The following SATL1 variants were observed in gnomAD, a reference collection of about 807,000 sequenced individuals.
SATL1 encodes the protein spermidine/spermine N(1)-acetyltransferase-like protein 1.
A neutral mutation model predicts 51.8 loss-of-function variants in SATL1; 47 were observed. That is an observed-to-expected ratio of 0.91 (90% CI 0.72 to 1.16). The LOEUF is 1.16. Among genes scored for constraint, SATL1 ranks in the 50% most tolerant of loss-of-function variants. SATL1 has a pLI of 0.00. For missense variants in SATL1, 520 were observed against 526.4 expected, an observed-to-expected ratio of 0.99 and a Z score of 0.12; for synonymous variants, 176 against 182.4, an observed-to-expected ratio of 0.97 and a Z score of 0.28.
intron 2 of SATL1, among the ~76,000 whole-genome samples, chrX:85,160,488 C>A (rs767912523): frequency 9.1e-6 from 1 of 110,020 alleles, no homozygotes; most frequent in African/African-American, 3.3e-5. Context: ...TAGAAATGAA[C>A]GAAACTGACC....
rs1350758219 is a variant in SATL1, at chrX:85,108,992, G to A, written c.-24C>T. On this transcript the variant is annotated 5_prime_UTR_variant, in exon 3 of 8. Transcript: ENST00000644105. ...ATGCCCAGTTGATTCCTGCTTTGTT[G>A]ACTAAGGATGGGGTGGCAGATGATG... 1.7e-6 allele frequency: 2 copies of A among 1,168,581 alleles called. No individual in the cohort carries two copies. The highest frequency in any genetic ancestry group is 3.1e-5 in the East Asian group (1 of 32,117).
chrX:85,132,555 C>CT (rs1925836960), intron 2 of SATL1, among the ~76,000 whole-genome samples: 1 of 111,598 alleles, frequency 9.0e-6, no homozygotes, highest in Non-Finnish European at 1.9e-5. Flanking sequence ...TTCATCTAAT[C>CT]TTTTTTCAAG....
chrX:85,128,300 C>T (rs1925683218), intron 2 of SATL1, among the ~76,000 whole-genome samples: 2 of 111,855 alleles, frequency 1.8e-5, no homozygotes, highest in Admixed American at 1.9e-4. Flanking sequence ...ACATCCTCTC[C>T]AGCACCTGTT....
At chrX:85,143,065 T>C (rs183972312) in intron 2 of SATL1, 65 of 111,983 alleles carry the variant, frequency 5.8e-4, no homozygotes, top group African/African-American at 2.0e-3. Flanking sequence ...GGAAAATGTA[T>C]TAGTAGCAAT....
chrX:85,115,665 G>A (rs1320054778), intron 2 of SATL1, among the ~76,000 whole-genome samples: 7 of 112,048 alleles, frequency 6.2e-5, no homozygotes, highest in Non-Finnish European at 1.3e-4. Flanking sequence ...TTGCCCCCAA[G>A]GTGTACATTC....
chrX:85,166,890 C>T (rs1926846780), intron 2 of SATL1, among the ~76,000 whole-genome samples: 1 of 98,063 alleles, frequency 1.0e-5, no homozygotes, highest in Non-Finnish European at 2.0e-5. Context: ...TAACCATCAA[C>T]CAATAAGTGA....
At chrX:85,163,243 A>G (rs1926763784) in intron 2 of SATL1, among the ~76,000 whole-genome samples, 1 of 109,737 alleles carries the variant, frequency 9.1e-6, no homozygotes, top group Non-Finnish European at 1.9e-5. Flanking sequence ...CAATCTTGCT[A>G]CTTGTTATTG....
chrX:85,140,550 C>T (rs908823603), intron 2 of SATL1, among the ~76,000 whole-genome samples: 8 of 111,995 alleles, frequency 7.1e-5, no homozygotes, highest in African/African-American at 2.6e-4. Flanking sequence ...TCTGGATGGA[C>T]TCTTGTTATT....
At chrX:85,149,824 G>T (rs1358135909) in intron 2 of SATL1, among the ~76,000 whole-genome samples, 1 of 111,468 alleles carries the variant, frequency 9.0e-6, no homozygotes, top group Non-Finnish European at 1.9e-5. Flanking sequence ...AGTATGTAGA[G>T]GGAAATTTAT....
intron 2 of SATL1, among the ~76,000 whole-genome samples, chrX:85,138,984 T>A (rs1439805607): frequency 9.0e-6 from 1 of 111,666 alleles, no homozygotes; most frequent in Non-Finnish European, 1.9e-5. Flanking sequence ...ATATTATTAT[T>A]ACTTTTTTAC....
chrX:85,094,138 TTG>T lies in SATL1; in HGVS notation c.1864_1865del (p.Gln622SerfsTer10). 8.7e-7 allele frequency: 1 copy of T among 1,144,880 alleles called. No individual in the cohort carries two copies. The highest frequency in any genetic ancestry group is 1.2e-6 in the Non-Finnish European group (1 of 835,824). The allele number at this position is 1,144,880 out of a possible 1,213,427, so 94.4% of individuals were successfully genotyped here. ...VLYLEDFYVT[Q>X]AYQGLGIGAE... ...AAATTTTAGTTTTACCTTGGTAAGCTTGTGTGACATAAAAGTCCTCTAGGTAA... is the reference window on the plus strand; with the variant it reads ...AAATTTTAGTTTTACCTTGGTAAGCTTGTGACATAAAAGTCCTCTAGGTAA... On this transcript the variant is annotated frameshift_variant, in exon 6 of 8. Coordinates refer to ENST00000644105, the MANE Select transcript of SATL1 (RefSeq NM_001367857.2). LOFTEE classifies it high-confidence loss of function.
intron 2 of SATL1, among the ~76,000 whole-genome samples, chrX:85,166,385 G>A (rs186056892): frequency 9.0e-6 from 1 of 111,404 alleles, no homozygotes; most frequent in African/African-American, 3.3e-5. Flanking sequence ...ATCCAACAAA[G>A]GACTAATATC....
chrX:85,164,938 G>A (rs1440957931), intron 2 of SATL1, among the ~76,000 whole-genome samples: 1 of 110,167 alleles, frequency 9.1e-6, no homozygotes, highest in African/African-American at 3.3e-5. Flanking sequence ...TGGTCAGGCT[G>A]GTCTTGAACT....
intron 2 of SATL1, chrX:85,210,357 C>CTT (rs1326206317): frequency 2.1e-5 from 2 of 94,233 alleles, no homozygotes; most frequent in Admixed American, 2.6e-4. Flanking sequence ...GGATCAAGGA[C>CTT]TGGGTTTGGA....
chrX:85,186,967 A>G (rs1465351723), intron 2 of SATL1, among the ~76,000 whole-genome samples: 1 of 111,807 alleles, frequency 8.9e-6, no homozygotes, highest in Admixed American at 9.5e-5. Flanking sequence ...CTTGGGTAAT[A>G]TGGTCATTTT....
At chrX:85,122,227 T>C in intron 2 of SATL1, among the ~76,000 whole-genome samples, 1 of 111,194 alleles carries the variant, frequency 9.0e-6, no homozygotes, top group Non-Finnish European at 1.9e-5. Context: ...GCAGACGTCT[T>C]CCCTGACATC....
At chrX:85,206,478 A>T (rs986992598) in intron 2 of SATL1, among the ~76,000 whole-genome samples, 3 of 111,957 alleles carry the variant, frequency 2.7e-5, no homozygotes, top group Admixed American at 1.9e-4. Context: ...TACTGTATTA[A>T]GAAGTGCTAC....
At chrX:85,182,932 C>G (rs1393311053) in intron 2 of SATL1, among the ~76,000 whole-genome samples, 1 of 111,355 alleles carries the variant, frequency 9.0e-6, no homozygotes, top group African/African-American at 3.3e-5. Flanking sequence ...TTAAATTGGA[C>G]TGCTTGTTTT....
chrX:85,213,498 A>G (rs1219538580), intron 2 of SATL1, among the ~76,000 whole-genome samples: 2 of 112,065 alleles, frequency 1.8e-5, no homozygotes, highest in East Asian at 2.8e-4. Flanking sequence ...AGAAAAATGG[A>G]GCTAGTTCAC....
Sources: gnomAD v4.1 joint callset for allele counts (sites outside exome capture counted in the v4.1 genomes callset) on GRCh38, gnomAD v4.1.1 for gene constraint, MANE v1.5 for transcripts, NCBI Gene and HGNC (gene_info 2026-07-23, HGNC 2026-07-21) for gene names.